The following CSMD2 variants were observed in gnomAD, a reference collection of about 807,000 sequenced individuals.
CSMD2 encodes the protein CUB and Sushi multiple domains 2.
A neutral mutation model predicts 398.5 loss-of-function variants in CSMD2; 130 were observed. That is an observed-to-expected ratio of 0.33 (90% CI 0.28 to 0.38). The LOEUF is 0.38. CSMD2 is among the 10% of genes least tolerant of loss of function. The pLI is 1.00. For missense variants in CSMD2, 3,829 were observed against 4,764.9 expected (o/e 0.80, Z 5.78); for synonymous variants, 1,828 against 1,908.5 (o/e 0.96, Z 1.10).
intron 65 of CSMD2, among the ~76,000 whole-genome samples, chr1:33,526,220 AAGATGGAG>A (rs1654760729): frequency 6.6e-6 from 1 of 152,212 alleles, no homozygotes; most frequent in East Asian, 1.9e-4. Flanking sequence ...AGGTGTTTAA[AAGATGGAG>A]AAATGGAAGA....
At chr1:33,709,443 A>C in intron 21 of CSMD2, 185 bp from the exon 22 acceptor site, 1 of 563,562 alleles carries the variant, frequency 1.8e-6, no homozygotes, top group Non-Finnish European at 3.1e-6. Context: ...AAAAAAAAAT[A>C]CTTCCCTACC....
chr1:33,900,622 C>T (rs1310235581), intron 5 of CSMD2, among the ~76,000 whole-genome samples: 1 of 152,112 alleles, frequency 6.6e-6, no homozygotes, highest in Admixed American at 6.5e-5. Flanking sequence ...ACTAAAAATA[C>T]AAATAAATTA....
intron 1 of CSMD2, among the ~76,000 whole-genome samples, chr1:34,141,128 A>G (rs973294658): frequency 6.6e-6 from 1 of 152,080 alleles, no homozygotes; most frequent in Non-Finnish European, 1.5e-5. Flanking sequence ...CAAATGTCAC[A>G]TCACCCAACA....
At chr1:33,663,972 G>T (rs1223037580) in intron 25 of CSMD2, among the ~76,000 whole-genome samples, 2 of 152,120 alleles carry the variant, frequency 1.3e-5, no homozygotes, top group African/African-American at 4.8e-5. Flanking sequence ...AGCAATGTTG[G>T]CATACTTACT....
chr1:33,553,630 C>T (rs138803035), intron 55 of CSMD2, among the ~76,000 whole-genome samples: 146 of 152,272 alleles, frequency 9.6e-4, no homozygotes, highest in African/African-American at 3.3e-3. Context: ...GAAGGCATGT[C>T]GGAAGCTGAG....
intron 11 of CSMD2, 51 bp from the exon 12 acceptor site, chr1:33,788,763 T>C: frequency 8.7e-7 from 1 of 1,151,288 alleles, no homozygotes; most frequent in Non-Finnish European, 1.3e-6. Context: ...GACACCCGAA[T>C]AGAATGATTG....
At chr1:33,672,886 C>T (rs1233278566) in intron 25 of CSMD2, among the ~76,000 whole-genome samples, 1 of 151,916 alleles carries the variant, frequency 6.6e-6, no homozygotes, top group Non-Finnish European at 1.5e-5. Context: ...CTCCAACAGA[C>T]CTGCAGCTGA....
At chr1:33,583,597 C>T in intron 47 of CSMD2, 45 bp downstream of exon 47, 2 of 1,579,648 alleles carry the variant, frequency 1.3e-6, no homozygotes, top group Admixed American at 3.4e-5. Context: ...GGAGCAAGTC[C>T]ATGTCTTCTG....
chr1:33,669,411 AC>A (rs1462826917), intron 25 of CSMD2, among the ~76,000 whole-genome samples: 1 of 152,198 alleles, frequency 6.6e-6, no homozygotes, highest in East Asian at 1.9e-4. Flanking sequence ...CATCAGGACC[AC>A]GTCTATCTTT....
intron 3 of CSMD2, among the ~76,000 whole-genome samples, chr1:34,023,953 T>C (rs1649287690): frequency 6.7e-6 from 1 of 149,272 alleles, no homozygotes; most frequent in Non-Finnish European, 1.5e-5. Flanking sequence ...CAGGCACTTG[T>C]CACGCACTGA....
intron 44 of CSMD2, among the ~76,000 whole-genome samples, chr1:33,594,900 GAAGTA>G (rs1639736386): frequency 6.6e-6 from 1 of 152,204 alleles, no homozygotes; most frequent in Non-Finnish European, 1.5e-5. Flanking sequence ...GGAGAAGTTG[GAAGTA>G]TAGTACAAAA....
chr1:33,578,507 G>T (rs1638456122), intron 48 of CSMD2, among the ~76,000 whole-genome samples: 1 of 152,226 alleles, frequency 6.6e-6, no homozygotes, highest in South Asian at 2.1e-4. Flanking sequence ...GAACCCAGGA[G>T]GTGGAGGCTG....
chr1:33,788,105 C>A (rs1159096832), intron 12 of CSMD2, among the ~76,000 whole-genome samples: 2 of 152,038 alleles, frequency 1.3e-5, no homozygotes, highest in Non-Finnish European at 2.9e-5. Context: ...AGTGTTTTAT[C>A]CCAGATAATC....
intron 2 of CSMD2, among the ~76,000 whole-genome samples, chr1:34,047,342 T>C (rs1652651483): frequency 6.6e-6 from 1 of 152,200 alleles, no homozygotes; most frequent in African/African-American, 2.4e-5. Context: ...TATGGCTTGT[T>C]CCTTCATCTT....
chr1:33,781,128 A>G (rs1652708575), intron 12 of CSMD2, among the ~76,000 whole-genome samples: 1 of 152,208 alleles, frequency 6.6e-6, no homozygotes, highest in South Asian at 2.1e-4. Flanking sequence ...TGCAGAGAGC[A>G]AGTCTTGGCC....
chr1:34,156,928 G>C (rs1470299657), intron 1 of CSMD2, among the ~76,000 whole-genome samples: 2 of 152,170 alleles, frequency 1.3e-5, no homozygotes, highest in Non-Finnish European at 2.9e-5. Context: ...GCCCAGCAGA[G>C]GGGGCCATGG....
intron 19 of CSMD2, among the ~76,000 whole-genome samples, chr1:33,717,532 G>A (rs1646213808): frequency 6.6e-6 from 1 of 151,940 alleles, no homozygotes; most frequent in African/African-American, 2.4e-5. Context: ...GGAAGGGCAC[G>A]CAGGAGGAAG....
intron 3 of CSMD2, among the ~76,000 whole-genome samples, chr1:33,957,057 C>T (rs1192782659): frequency 3.3e-5 from 5 of 151,974 alleles, no homozygotes; most frequent in African/African-American, 1.2e-4. Context: ...TATCACCTCC[C>T]CCGAGAGGCC....
intron 13 of CSMD2, among the ~76,000 whole-genome samples, chr1:33,768,730 C>T (rs1275213237): frequency 6.6e-6 from 1 of 152,138 alleles, no homozygotes; most frequent in East Asian, 1.9e-4. Context: ...AAAAGCCCAG[C>T]TCAAGTCTTG....
Sources: allele counts gnomAD v4.1 joint callset (sites outside exome capture counted in the v4.1 genomes callset), GRCh38; gene constraint gnomAD v4.1.1; transcripts MANE v1.5; gene names NCBI Gene and HGNC (gene_info 2026-07-23, HGNC 2026-07-21).